The following RPS6KA2 variants were observed in gnomAD, a reference collection of about 807,000 sequenced individuals.
RPS6KA2 encodes ribosomal protein S6 kinase alpha-2.
In RPS6KA2, 42 loss-of-function variants were observed where a neutral mutation model predicts 91.8. The observed-to-expected ratio is 0.46, with a 90% confidence interval of 0.36 to 0.59. The LOEUF (loss-of-function observed/expected upper bound fraction) is 0.59. Among genes scored for constraint, RPS6KA2 ranks in the 20% least tolerant of loss-of-function variants. The pLI, the probability that RPS6KA2 is intolerant of heterozygous loss-of-function variation, is 0.00. For synonymous variants in RPS6KA2, 414 were observed against 393.6 expected (o/e 1.05, Z -0.61); for missense variants, 798 against 978.5 (o/e 0.82, Z 2.46).
chr6:166,782,370 G>T (rs1778793750), intron 2 of RPS6KA2, among the ~76,000 whole-genome samples: 1 of 152,192 alleles, frequency 6.6e-6, no homozygotes, highest in Admixed American at 6.5e-5. Context: ...ATTACCCCTG[G>T]TTCAGAAGCA....
Position 166,594,655 on chromosome 6 carries a change from A to G in RPS6KA2, c.99+32266T>C, listed in dbSNP as rs562660853. Among the ~76,000 whole-genome samples the G allele has an allele frequency of 7.9e-5, 12 of 152,056 alleles. No individual in the cohort carries two copies. In the East Asian group the frequency reaches 1.2e-3, roughly 15 times the overall value. On this transcript the variant is annotated intron_variant, in intron 1 of 20. Coordinates refer to ENST00000265678, the MANE Select transcript of RPS6KA2 (RefSeq NM_021135.6). ...TTTTTTGTATTTTTAGTAGAGACGG[A>G]GCTTCACTGTGTTAGCCAGGATGGT...
intron 2 of RPS6KA2, among the ~76,000 whole-genome samples, chr6:166,664,205 T>C (rs1478869522): frequency 2.0e-5 from 3 of 152,250 alleles, no homozygotes; most frequent in South Asian, 4.1e-4. Context: ...AACATTACCC[T>C]GAAGTTTCTG....
chr6:166,621,162 G>T (rs1482090680), intron 1 of RPS6KA2, among the ~76,000 whole-genome samples: 1 of 152,178 alleles, frequency 6.6e-6, no homozygotes, highest in East Asian at 1.9e-4. Flanking sequence ...TGATCTCCAG[G>T]AACGCATGCA....
In RPS6KA2 at chr6:166,531,287, C is replaced by T. The variant is rs1783266499; in HGVS notation, c.243G>A (p.Gly81=). Reference sequence around the variant, plus strand: ...TGGCGTAGAGCTGCCCAGCGTCGGACCCCTTCACCTTCCTCACCAGGAACA... The same window carrying T: ...TGGCGTAGAGCTGCCCAGCGTCGGATCCCTTCACCTTCCTCACCAGGAACA... ...GKVFLVRKVK[G]SDAGQLYAMK... Residue 81 remains glycine (G), a synonymous_variant, in exon 3 of 21, where the codon GGG becomes GGA. Transcript: ENST00000265678. 6.2e-7 allele frequency: 1 copy of T among 1,613,966 alleles called. No homozygotes were observed. The highest frequency in any genetic ancestry group is 1.3e-5 in the African/African-American group (1 of 74,914).
In RPS6KA2 at chr6:166,563,313, G is replaced by A. The variant is rs966731852; in HGVS notation, c.100-24529C>T. Among the ~76,000 whole-genome samples, 7 of 152,174 alleles carry A rather than the reference G, an allele frequency of 4.6e-5. No homozygotes were observed. Among genetic ancestry groups the A allele is most frequent in the African/African-American group, 1.7e-4 (7 of 41,438 alleles). ...GCGGGAAGCACTCGGAGGAGCGGGGGCCAACCCGGAATCAGCCTCTGTTCC... is the reference window on the plus strand; with the variant it reads ...GCGGGAAGCACTCGGAGGAGCGGGGACCAACCCGGAATCAGCCTCTGTTCC... On this transcript the variant is annotated intron_variant, in intron 1 of 20. Transcript: ENST00000265678. This position sits in a 1 kb window ranked among gnomAD's most constrained non-coding sequence, Gnocchi z 4.1.
chr6:166,752,148 C>T (rs1181626946), intron 2 of RPS6KA2, among the ~76,000 whole-genome samples: 1 of 152,228 alleles, frequency 6.6e-6, no homozygotes, highest in Admixed American at 6.5e-5. Flanking sequence ...ATAAAGACAT[C>T]GTTTCTAACT....
chr6:166,731,444 G>T (rs1790514005), intron 2 of RPS6KA2, among the ~76,000 whole-genome samples: 1 of 150,910 alleles, frequency 6.6e-6, no homozygotes, highest in East Asian at 2.0e-4. Flanking sequence ...TTAAAAGGGG[G>T]AAGGAGGGGC....
At chr6:166,567,081 G>C (rs572398397) in intron 1 of RPS6KA2, among the ~76,000 whole-genome samples, 11 of 152,336 alleles carry the variant, frequency 7.2e-5, no homozygotes, top group African/African-American at 1.9e-4. Context: ...AACAATCCAT[G>C]ATGAGCCACT....
chr6:166,604,776 T>C (rs778463250), intron 1 of RPS6KA2, among the ~76,000 whole-genome samples: 1 of 152,190 alleles, frequency 6.6e-6, no homozygotes, highest in African/African-American at 2.4e-5. Context: ...AGGAGAAGAC[T>C]ACGAGCCTTC....
intron 2 of RPS6KA2, among the ~76,000 whole-genome samples, chr6:166,815,590 A>C (rs1099650): frequency 1.3e-5 from 2 of 152,086 alleles, no homozygotes; most frequent in South Asian, 4.1e-4. Flanking sequence ...TGATGTGCAA[A>C]GGAAAAATTC....
chr6:166,514,270 C>T (rs1782565262), intron 3 of RPS6KA2, among the ~76,000 whole-genome samples: 2 of 152,210 alleles, frequency 1.3e-5, no homozygotes, highest in Non-Finnish European at 2.9e-5. Flanking sequence ...TGTGAAGAGG[C>T]AGGCTCTGCC....
Position 166,445,249 on chromosome 6 carries a change from C to T in RPS6KA2, c.1332+3475G>A, listed in dbSNP as rs907956137. 6.6e-6 allele frequency among the ~76,000 whole-genome samples: 1 copy of T among 151,986 alleles called. No individual in the cohort carries two copies. Among genetic ancestry groups the T allele is most frequent in the Non-Finnish European group, 1.5e-5 (1 of 67,996 alleles). Reference sequence around the variant, plus strand: ...AGTGGGGTGGGGGTGGGGGGCTGCCCGCAGCACGTGGGGAACACTGAGCTG... The same window carrying T: ...AGTGGGGTGGGGGTGGGGGGCTGCCTGCAGCACGTGGGGAACACTGAGCTG... On this transcript the variant is annotated intron_variant, in intron 14 of 20. Transcript: ENST00000265678. The surrounding 1 kb of genome is among the most constrained non-coding windows in gnomAD (Gnocchi z 4.5).
intron 12 of RPS6KA2, among the ~76,000 whole-genome samples, chr6:166,455,726 C>T (rs1023417013): frequency 3.3e-5 from 5 of 152,218 alleles, no homozygotes; most frequent in African/African-American, 9.6e-5. Flanking sequence ...GAGGAGGAGG[C>T]GCTCCTGCTA....
At chr6:166,816,173 C>CCTAA (rs886382659) in intron 2 of RPS6KA2, among the ~76,000 whole-genome samples, 5 of 152,108 alleles carry the variant, frequency 3.3e-5, no homozygotes, top group Non-Finnish European at 7.3e-5. Flanking sequence ...ACAGTGCCTT[C>CCTAA]CTAACCATGT....
intron 2 of RPS6KA2, among the ~76,000 whole-genome samples, chr6:166,703,093 G>A (rs1789574794): frequency 6.6e-6 from 1 of 152,212 alleles, no homozygotes; most frequent in Non-Finnish European, 1.5e-5. Flanking sequence ...CACCAGGCTT[G>A]AATTGAGCTA....
intron 2 of RPS6KA2, among the ~76,000 whole-genome samples, chr6:166,768,517 G>C (rs1778381127): frequency 6.6e-6 from 1 of 152,178 alleles, no homozygotes; most frequent in African/African-American, 2.4e-5. Flanking sequence ...CAGAGGCTGA[G>C]TCTGTGTTAG....
chr6:166,737,599 C>A lies in RPS6KA2; in HGVS notation c.123+120601G>T, dbSNP rs962841822. ...GAATGAGCTTTTTCACAGGAAACTA[C>A]TACTGACTCCTTTTAAGCTTCTAAG... On this transcript the variant is annotated intron_variant, in intron 2 of 21. Transcript: ENST00000503859. The surrounding 1 kb of genome is among the most constrained non-coding windows in gnomAD (Gnocchi z 4.3). Among the ~76,000 whole-genome samples, 2 of 152,168 alleles carry A rather than the reference C, an allele frequency of 1.3e-5. No individual in the cohort carries two copies. Among genetic ancestry groups the A allele is most frequent in the African/African-American group, 4.8e-5 (2 of 41,444 alleles).
intron 1 of RPS6KA2, among the ~76,000 whole-genome samples, chr6:166,573,279 A>G (rs11755586): frequency 0.39 from 59,272 of 152,134 alleles, 12,119 homozygotes; most frequent in East Asian, 0.66. Flanking sequence ...TAGAGCTTCC[A>G]GAACCTCGTG....
In RPS6KA2 at chr6:166,711,381, C is replaced by A. The variant is rs1439057106; in HGVS notation, c.123+146819G>T. Among the ~76,000 whole-genome samples, 6 of 105,518 alleles carry A rather than the reference C, an allele frequency of 5.7e-5. No homozygotes were observed. In the East Asian group the frequency reaches 1.5e-3, roughly 26 times the overall value. 69.2% of individuals were successfully genotyped at this position (105,518 alleles called of 152,430 possible). The stretch of plus-strand genomic sequence containing the variant: ...ATTTAAAAAAAAATCACTAATTACA[C>A]AAAGAACCAGGAAGATCTCAAACAG... On this transcript the variant is annotated intron_variant, in intron 2 of 21. Transcript: ENST00000503859.
Sources: gnomAD v4.1 joint callset for allele counts (sites outside exome capture counted in the v4.1 genomes callset) on GRCh38, gnomAD v4.1.1 for gene constraint, Gnocchi (gnomAD v3.1) non-coding constraint, MANE v1.5 for transcripts, NCBI Gene and HGNC (gene_info 2026-07-23, HGNC 2026-07-21) for gene names.